The following MRTFB variants were observed in gnomAD, a reference collection of about 807,000 sequenced individuals.
MRTFB encodes myocardin related transcription factor B.
In MRTFB, 29 loss-of-function variants were observed where a neutral mutation model predicts 104.2. That is an observed-to-expected ratio of 0.28 (90% CI 0.21 to 0.38). The LOEUF is 0.38. MRTFB is among the 10% of genes least tolerant of loss of function. The probability of loss-of-function intolerance (pLI) is 1.00; values close to 1 mark genes in which losing one functional copy is unlikely to be tolerated. For synonymous variants in MRTFB, 535 were observed against 519.5 expected, an observed-to-expected ratio of 1.03 and a Z score of -0.41; for missense variants, 1,270 against 1,341.6, an observed-to-expected ratio of 0.95 and a Z score of 0.83.
At chr16:14,254,906 T>A (rs1419416308) in intron 15 of MRTFB, among the ~76,000 whole-genome samples, 1 of 152,234 alleles carries the variant, frequency 6.6e-6, no homozygotes, top group Non-Finnish European at 1.5e-5. Context: ...CTATTACAGC[T>A]GTCCTCAGTG....
At chr16:14,172,685 CAG>C (rs915064611) in intron 3 of MRTFB, among the ~76,000 whole-genome samples, 5 of 152,072 alleles carry the variant, frequency 3.3e-5, no homozygotes, top group Admixed American at 6.6e-5. Context: ...GAGGAATAAA[CAG>C]AAAGTGTTGT....
At chr16:14,044,059 C>T in the MRTFB span, among the ~76,000 whole-genome samples, 1 of 152,248 alleles carries the variant, frequency 6.6e-6, no homozygotes, top group Non-Finnish European at 1.5e-5. Context: ...TTAGGTGATC[C>T]CACCAAAACA....
chr16:14,105,338 T>C (rs1303448938), intron 2 of MRTFB, among the ~76,000 whole-genome samples: 1 of 152,172 alleles, frequency 6.6e-6, no homozygotes, highest in Non-Finnish European at 1.5e-5. Flanking sequence ...TGATGTTTAC[T>C]TTAAAAAAAG....
the MRTFB span, among the ~76,000 whole-genome samples, chr16:14,054,682 G>A: frequency 6.6e-6 from 1 of 152,136 alleles, no homozygotes; most frequent in African/African-American, 2.4e-5. Flanking sequence ...TAAGCTCTCT[G>A]AGGACAGGAA....
chr16:14,247,872 T>TC, intron 12 of MRTFB: 1 of 200,170 alleles, frequency 5.0e-6, no homozygotes, highest in Non-Finnish European at 1.0e-5. Flanking sequence ...CACTTAATCC[T>TC]CCCTTCTCCT....
At chr16:14,042,464 A>G in the MRTFB span, among the ~76,000 whole-genome samples, 1 of 152,046 alleles carries the variant, frequency 6.6e-6, no homozygotes, top group Non-Finnish European at 1.5e-5. Flanking sequence ...GCCATTCAAC[A>G]TTTTAATTTT....
intron 8 of MRTFB, among the ~76,000 whole-genome samples, chr16:14,229,898 G>C (rs754828109): frequency 1.3e-5 from 2 of 152,016 alleles, no homozygotes; most frequent in Non-Finnish European, 2.9e-5. Context: ...ACAAAGCAAA[G>C]TTTGCAGCTT....
At position 14,265,354 on chromosome 16, in the gene MRTFB, G is replaced by A. The variant is rs1042646380; in HGVS notation, c.*3910G>A. The A allele has an allele frequency of 2.0e-5, 3 of 152,132 alleles. No homozygotes were observed. The highest frequency in any genetic ancestry group is 7.2e-5 in the African/African-American group (3 of 41,416). 9.4% of individuals were successfully genotyped at this position (152,132 alleles called of 1,614,324 possible). A position where few individuals can be genotyped will look rare whatever the true frequency, so the allele number is the denominator to read the frequency against. ...CACCGCCCTAGAGGCCACAGAATTA[G>A]CCCAAAATTATCAAAGAACATTAAC... is the stretch of plus-strand genomic sequence containing the variant. On this transcript the variant is annotated 3_prime_UTR_variant, in exon 17 of 17. Transcript: ENST00000571589.
At chr16:14,119,354 T>A (rs2036717975) in intron 2 of MRTFB, among the ~76,000 whole-genome samples, 1 of 152,138 alleles carries the variant, frequency 6.6e-6, no homozygotes, top group Admixed American at 6.5e-5. Flanking sequence ...CAAGAGTAGG[T>A]TATAGTTTGT....
chr16:14,037,793 C>T, the MRTFB span, among the ~76,000 whole-genome samples: 1,046 of 152,308 alleles, frequency 6.9e-3, 7 homozygotes, highest in Middle Eastern at 6.8e-3. Context: ...ACAAGGAGTT[C>T]AGCGGATGTC....
At chr16:14,145,039 A>T (rs1436947143) in intron 3 of MRTFB, among the ~76,000 whole-genome samples, 1 of 149,600 alleles carries the variant, frequency 6.7e-6, no homozygotes, top group South Asian at 2.1e-4. Context: ...AAATAAAAGC[A>T]AATATATTAA....
intron 2 of MRTFB, among the ~76,000 whole-genome samples, chr16:14,126,806 C>G (rs2037133180): frequency 6.6e-6 from 1 of 152,134 alleles, no homozygotes; most frequent in African/African-American, 2.4e-5. Context: ...CCCAAGCAGT[C>G]TGACAACAGA....
At chr16:14,258,067 A>G in intron 15 of MRTFB, 34 bp from the exon 16 acceptor site, 1 of 1,595,788 alleles carries the variant, frequency 6.3e-7, no homozygotes, top group African/African-American at 1.3e-5. Context: ...GGTTTGTATG[A>G]AAGAAACCTA....
At position 14,177,058 on chromosome 16, in the gene MRTFB, A is replaced by C. The variant is rs922752960; in HGVS notation, c.155-33185A>C. ...TAGGGAATAGGGAAATCCAGGAAGA[A>C]AAAACTTGTACAAAAACAAGGACAA... On this transcript the variant is annotated intron_variant, in intron 3 of 16. Transcript: ENST00000571589. This position sits in a 1 kb window ranked among gnomAD's most constrained non-coding sequence, Gnocchi z 4.7. Among the ~76,000 whole-genome samples the C allele has an allele frequency of 1.3e-5, 2 of 152,246 alleles. No homozygotes were observed. The highest frequency in any genetic ancestry group is 4.8e-5 in the African/African-American group (2 of 41,472).
intron 2 of MRTFB, among the ~76,000 whole-genome samples, chr16:14,083,346 C>T (rs1304827485): frequency 2.0e-5 from 3 of 152,062 alleles, no homozygotes; most frequent in East Asian, 3.9e-4. Flanking sequence ...ATGCCTGACT[C>T]CTGAAGCCAC....
chr16:14,117,775 G>A (rs2036616569), intron 2 of MRTFB, among the ~76,000 whole-genome samples: 1 of 152,012 alleles, frequency 6.6e-6, no homozygotes, highest in South Asian at 2.1e-4. Flanking sequence ...CTAGAAAGAG[G>A]TACCTGGGAT....
At chr16:14,119,604 T>C (rs2036734357) in intron 2 of MRTFB, among the ~76,000 whole-genome samples, 1 of 152,180 alleles carries the variant, frequency 6.6e-6, no homozygotes. Context: ...AACAAGGACT[T>C]CAGATAATTT....
At chr16:14,034,153 A>G in the MRTFB span, among the ~76,000 whole-genome samples, 46 of 152,316 alleles carry the variant, frequency 3.0e-4, no homozygotes, top group African/African-American at 1.1e-3. Context: ...TGCTGTAACA[A>G]GGTACCACCA....
At chr16:14,227,298 AAAAG>A (rs746633020) in intron 8 of MRTFB, among the ~76,000 whole-genome samples, 35 of 151,814 alleles carry the variant, frequency 2.3e-4, no homozygotes, top group African/African-American at 3.9e-4. Flanking sequence ...AAACAAAACA[AAAAG>A]AAAGAAAGAA....
Sources: allele counts gnomAD v4.1 joint callset (sites outside exome capture counted in the v4.1 genomes callset), GRCh38; gene constraint gnomAD v4.1.1; non-coding constraint Gnocchi (gnomAD v3.1); transcripts MANE v1.5; gene names NCBI Gene and HGNC (gene_info 2026-07-23, HGNC 2026-07-21).